PTPRO: variants seen among roughly 807,000 people sequenced by gnomAD.
The protein encoded by PTPRO is receptor-type tyrosine-protein phosphatase O.
PTPRO carries 62 observed loss-of-function variants against 145.2 expected under a neutral mutation model. The ratio of observed to expected loss-of-function variants is 0.43; its 90% CI spans 0.35 to 0.53. The LOEUF (loss-of-function observed/expected upper bound fraction) is 0.53, where lower values mean the gene tolerates loss of function less well. PTPRO is among the 20% of genes least tolerant of loss of function. The probability of loss-of-function intolerance (pLI) is 0.01; values close to 1 mark genes in which losing one functional copy is unlikely to be tolerated. For missense variants in PTPRO, 1,345 were observed against 1,482.7 expected (o/e 0.91, Z 1.53); for synonymous variants, 565 against 514.7 (o/e 1.10, Z -1.32).
intron 10 of PTPRO, among the ~76,000 whole-genome samples, chr12:15,524,329 T>C (rs960281137): frequency 5.9e-5 from 9 of 152,208 alleles, no homozygotes; most frequent in Admixed American, 2.0e-4. Flanking sequence ...CTTGTAGTAC[T>C]ATGATCTTCT....
rs1944676086 is a variant in PTPRO at position 15,597,215 on chromosome 12, TATA to T, written c.*1145_*1147del. On this transcript the variant is annotated 3_prime_UTR_variant, in exon 27 of 27. Coordinates refer to ENST00000281171, the MANE Select transcript of PTPRO (RefSeq NM_030667.3). ...GTAACATTTTATTCTTTGGATTTTG[TATA>T]ATTACAGTACATGATTGTGTATTGT... The T allele has an allele frequency of 6.6e-6, 1 of 152,240 alleles. No homozygotes were observed. The highest frequency in any genetic ancestry group is 2.4e-5 in the African/African-American group (1 of 41,458). The allele number at this position is 152,240 out of a possible 1,614,324, so 9.4% of individuals were successfully genotyped here. A position where few individuals can be genotyped will look rare whatever the true frequency, so the allele number is the denominator to read the frequency against.
At chr12:15,499,351 T>C in intron 3 of PTPRO, 91 bp from the exon 4 acceptor site, 1 of 1,278,422 alleles carries the variant, frequency 7.8e-7, no homozygotes, top group Admixed American at 1.7e-5. Flanking sequence ...TATTATTTTG[T>C]GAATGTTTAG....
chr12:15,513,136 GAAGGAAGA>G (rs1232468830), intron 7 of PTPRO, among the ~76,000 whole-genome samples: 4 of 12,482 alleles, frequency 3.2e-4, no homozygotes, highest in South Asian at 3.0e-3. Context: ...AGGAAGGAAG[GAAGGAAGA>G]AAGAAAGAAA....
intron 1 of PTPRO, among the ~76,000 whole-genome samples, chr12:15,338,077 T>C (rs1866827354): frequency 6.6e-6 from 1 of 152,226 alleles, no homozygotes; most frequent in Admixed American, 6.5e-5. Flanking sequence ...AATCTGTATA[T>C]GCTCTATGAG....
At chr12:15,478,202 G>A (rs953512338) in intron 1 of PTPRO, among the ~76,000 whole-genome samples, 1 of 152,210 alleles carries the variant, frequency 6.6e-6, no homozygotes, top group African/African-American at 2.4e-5. Flanking sequence ...TTTGGTGCAG[G>A]AGGCTAGAAT....
At chr12:15,361,527 G>T (rs1419559781) in intron 1 of PTPRO, among the ~76,000 whole-genome samples, 1 of 151,668 alleles carries the variant, frequency 6.6e-6, no homozygotes, top group African/African-American at 2.4e-5. Flanking sequence ...TAGAAGAATA[G>T]GGCTTATTTG....
chr12:15,504,154 A>G, intron 6 of PTPRO, 85 bp downstream of exon 6: 1 of 1,412,938 alleles, frequency 7.1e-7, no homozygotes, highest in Non-Finnish European at 9.9e-7. Context: ...GATGTCAATT[A>G]TTCACAAACC....
chr12:15,463,840 A>C (rs1332920381), intron 1 of PTPRO, among the ~76,000 whole-genome samples: 1 of 152,232 alleles, frequency 6.6e-6, no homozygotes, highest in East Asian at 1.9e-4. Context: ...CTATAATAAT[A>C]AAAATAAATA....
intron 16 of PTPRO, among the ~76,000 whole-genome samples, chr12:15,559,654 G>A (rs1452209112): frequency 1.3e-5 from 2 of 152,056 alleles, no homozygotes; most frequent in Non-Finnish European, 2.9e-5. Flanking sequence ...AAATTTTATA[G>A]TAATTTAAAA....
chr12:15,537,412 A>G (rs1943087067), intron 12 of PTPRO, among the ~76,000 whole-genome samples: 1 of 152,168 alleles, frequency 6.6e-6, no homozygotes, highest in Non-Finnish European at 1.5e-5. Context: ...TGGCCAGGGA[A>G]GCAAGAAAGA....
At chr12:15,516,528 G>GAA (rs1369225233) in intron 8 of PTPRO, among the ~76,000 whole-genome samples, 2 of 135,956 alleles carry the variant, frequency 1.5e-5, no homozygotes, top group Non-Finnish European at 3.1e-5. Flanking sequence ...AAAAAGAAAA[G>GAA]AAAAGATGAA....
rs75414308 is a variant in PTPRO, at chr12:15,544,001, A to T, written c.2165-2568A>T. On this transcript the variant is annotated intron_variant, in intron 12 of 26. Coordinates refer to ENST00000281171, the MANE Select transcript of PTPRO (RefSeq NM_030667.3). Reference sequence around the variant, plus strand: ...AGCCAGTTTAAGCAGGATCTTAAAGACATGGTATGTTTGGATGTGATACCA... The same window carrying T: ...AGCCAGTTTAAGCAGGATCTTAAAGTCATGGTATGTTTGGATGTGATACCA... Among the ~76,000 whole-genome samples, 209 of 152,316 alleles carry T rather than the reference A, an allele frequency of 1.4e-3. 2 individuals are homozygous for T. The East Asian group carries it at 0.038, about 28-fold the overall frequency.
At chr12:15,380,259 A>G (rs1251342220) in intron 1 of PTPRO, among the ~76,000 whole-genome samples, 1 of 152,146 alleles carries the variant, frequency 6.6e-6, no homozygotes, top group Non-Finnish European at 1.5e-5. Flanking sequence ...TCCTTCCATC[A>G]GGGGCCATAC....
intron 1 of PTPRO, among the ~76,000 whole-genome samples, chr12:15,330,758 A>C (rs1364059111): frequency 6.6e-6 from 1 of 152,158 alleles, no homozygotes; most frequent in Non-Finnish European, 1.5e-5. Flanking sequence ...CCTTGAGAGC[A>C]ATAGCTTCTC....
At chr12:15,518,176 G>A (rs866323785) in intron 9 of PTPRO, among the ~76,000 whole-genome samples, 5 of 152,190 alleles carry the variant, frequency 3.3e-5, no homozygotes, top group African/African-American at 4.8e-5. Flanking sequence ...TCAACACCAC[G>A]TGGAAGCTGC....
intron 2 of PTPRO, among the ~76,000 whole-genome samples, chr12:15,486,263 T>A (rs1333777283): frequency 6.6e-6 from 1 of 152,224 alleles, no homozygotes; most frequent in South Asian, 2.1e-4. Flanking sequence ...GTCTTCTTGA[T>A]AAACTGACCC....
At chr12:15,557,683 G>A (rs894455514) in intron 16 of PTPRO, among the ~76,000 whole-genome samples, 160 bp downstream of exon 16, 6 of 152,122 alleles carry the variant, frequency 3.9e-5, no homozygotes, top group African/African-American at 9.7e-5. Flanking sequence ...GAATATAATG[G>A]TTTATATAAG....
At chr12:15,331,065 T>C (rs546853408) in intron 1 of PTPRO, among the ~76,000 whole-genome samples, 6 of 151,242 alleles carry the variant, frequency 4.0e-5, no homozygotes, top group Non-Finnish European at 8.8e-5. Context: ...AGAAAGGGAG[T>C]GAAGGGCAGT....
At chr12:15,426,111 G>C (rs1485938030) in intron 1 of PTPRO, among the ~76,000 whole-genome samples, 1 of 151,150 alleles carries the variant, frequency 6.6e-6, no homozygotes, top group Admixed American at 6.6e-5. Flanking sequence ...TACATTTTTA[G>C]TTTTTTTCTT....
Sources: allele counts gnomAD v4.1 joint callset (sites outside exome capture counted in the v4.1 genomes callset), GRCh38; gene constraint gnomAD v4.1.1; transcripts MANE v1.5; gene names NCBI Gene and HGNC (gene_info 2026-07-23, HGNC 2026-07-21).